The following BPIFB4 variants were observed in gnomAD, a reference collection of about 807,000 sequenced individuals.
The protein encoded by BPIFB4 is BPI fold containing family B member 4.
In BPIFB4, 62 loss-of-function variants were observed where a neutral mutation model predicts 69.2. That is an observed-to-expected ratio of 0.90 (90% CI 0.73 to 1.11). BPIFB4 has a LOEUF of 1.11. Among genes scored for constraint, BPIFB4 ranks in the 50% least tolerant of loss-of-function variants. BPIFB4 has a pLI of 0.00. For synonymous variants in BPIFB4, 330 were observed against 332.7 expected (o/e 0.99, Z 0.09); for missense variants, 789 against 792.0 (o/e 1.00, Z 0.04).
chr20:33,093,748 C>T (rs1008974302), intron 11 of BPIFB4, among the ~76,000 whole-genome samples: 1 of 152,036 alleles, frequency 6.6e-6, no homozygotes, highest in Non-Finnish European at 1.5e-5. Context: ...TCCACTAATC[C>T]ATCCACCTAT....
intron 13 of BPIFB4, among the ~76,000 whole-genome samples, chr20:33,100,037 G>A (rs938607109): frequency 1.3e-5 from 2 of 151,954 alleles, no homozygotes; most frequent in Non-Finnish European, 2.9e-5. Flanking sequence ...AGTTTCATAG[G>A]CTACGAGCCA....
At chr20:33,106,735 C>T (rs908121144) in intron 16 of BPIFB4, among the ~76,000 whole-genome samples, 2 of 152,088 alleles carry the variant, frequency 1.3e-5, no homozygotes, top group African/African-American at 4.8e-5. Flanking sequence ...TAGAGCAGTT[C>T]GGAGGTGGGA....
intron 11 of BPIFB4, among the ~76,000 whole-genome samples, chr20:33,093,956 C>A (rs552026029): frequency 6.6e-6 from 1 of 152,230 alleles, no homozygotes; most frequent in Admixed American, 6.5e-5. Context: ...CTGTCTGTCT[C>A]CCTGTCTGTC....
chr20:33,099,856 TA>T (rs1981858500), intron 13 of BPIFB4, among the ~76,000 whole-genome samples: 1 of 152,200 alleles, frequency 6.6e-6, no homozygotes, highest in African/African-American at 2.4e-5. Flanking sequence ...AGCCAACTTT[TA>T]AATTCAATTT....
At position 33,083,410 on chromosome 20, in the gene BPIFB4, C is replaced by A. The variant is rs145261889; in HGVS notation, c.213C>A (p.Pro71=). 15 of 1,613,388 alleles carry A rather than the reference C, an allele frequency of 9.3e-6. No homozygotes were observed. The African/African-American group carries it at 9.4e-5, about 10-fold the overall frequency. ...IPYNDFHVRG[P]PPVYTNGKKL... ...ACAATGACTTCCATGTCCGAGGACC[C>A]CCCCCAGTATATACCAACGGCAAAA... Residue 71 remains proline (P), a synonymous_variant, in exon 5 of 18, where the codon CCC becomes CCA. Coordinates refer to ENST00000375483, the MANE Select transcript of BPIFB4 (RefSeq NM_182519.3).
At chr20:33,110,736 G>C (rs7270697) in intron 17 of BPIFB4, among the ~76,000 whole-genome samples, 17 of 144,384 alleles carry the variant, frequency 1.2e-4, no homozygotes, top group African/African-American at 4.5e-4. Flanking sequence ...TATTTCTGTC[G>C]ATAGAGACTC....
Position 33,092,632 on chromosome 20 carries a change from C to G in BPIFB4, c.1318C>G (p.Leu440Val). 2 of 1,612,216 alleles carry G rather than the reference C, an allele frequency of 1.2e-6. No homozygotes were observed. Among genetic ancestry groups the G allele is most frequent in the African/African-American group, 2.7e-5 (2 of 75,074 alleles). Residue 440 changes from leucine to valine, a missense_variant, in exon 11 of 18, where the codon CTA (leucine) becomes GTA (valine). Coordinates refer to ENST00000375483, the MANE Select transcript of BPIFB4 (RefSeq NM_182519.3). ...VLTLLQKQHA[L>V]DLDITNGMFE... Reference sequence around the variant, plus strand: ...GACTCTACTGCAGAAGCAGCATGCTCTAGACCTGGATATCACCAATGGCAT... The same window carrying G: ...GACTCTACTGCAGAAGCAGCATGCTGTAGACCTGGATATCACCAATGGCAT...
At position 33,080,547 on chromosome 20, in the gene BPIFB4, T is replaced by A. The variant is rs564193573; in HGVS notation, c.-45T>A. 2 of 152,186 alleles carry A rather than the reference T, an allele frequency of 1.3e-5. No homozygotes were observed. The highest frequency in any genetic ancestry group is 2.9e-5 in the Non-Finnish European group (2 of 68,038). 9.4% of individuals were successfully genotyped at this position (152,186 alleles called of 1,614,324 possible). On this transcript the variant is annotated 5_prime_UTR_variant, in exon 2 of 18. Transcript: ENST00000375483. ...TCTACTATGTATGAGATACAACTTG[T>A]TTGTGATTTGGGAGCAGAAGTTCAA...
At position 33,092,627 on chromosome 20, in the gene BPIFB4, A is replaced by G. The variant is rs776035940; in HGVS notation, c.1313A>G (p.His438Arg). ...GTGCTGACTCTACTGCAGAAGCAGC[A>G]TGCTCTAGACCTGGATATCACCAAT... The part of the protein sequence containing the change: ...GSVLTLLQKQ[H>R]ALDLDITNGM... Residue 438 changes from histidine to arginine, a missense_variant, in exon 11 of 18, where the codon CAT (histidine) becomes CGT (arginine). This residue lies in a region of BPIFB4 where 611 missense variants were observed against 575.4 expected (regional missense o/e 1.06). Transcript: ENST00000375483. The G allele has an allele frequency of 1.9e-5, 31 of 1,612,534 alleles. 1 individual carries two copies. Among genetic ancestry groups the G allele is most frequent in the Middle Eastern group, 1.6e-4 (1 of 6,082 alleles).
chr20:33,097,558 C>T (rs934558481), intron 12 of BPIFB4, 59 bp from the exon 13 acceptor site: 1 of 1,534,528 alleles, frequency 6.5e-7, no homozygotes, highest in Non-Finnish European at 8.9e-7. Flanking sequence ...TGGCTGATAA[C>T]CCCCTGGGTA....
chr20:33,100,293 C>A, intron 13 of BPIFB4, 133 bp from the exon 14 acceptor site: 1 of 678,030 alleles, frequency 1.5e-6, no homozygotes, highest in Non-Finnish European at 2.5e-6. Context: ...CTGACCCAGG[C>A]CTCGGGGAAC....
rs1409074801 is a variant in BPIFB4 at position 33,110,813 on chromosome 20, GT to G, written c.1822-582del. Among the ~76,000 whole-genome samples, 533 of 114,224 alleles carry G rather than the reference GT, an allele frequency of 4.7e-3. 3 individuals are homozygous for G. Among genetic ancestry groups the G allele is most frequent in the African/African-American group, 0.014 (406 of 29,430 alleles). The allele number at this position is 114,224 out of a possible 152,430, so 74.9% of individuals were successfully genotyped here. A position where few individuals can be genotyped will look rare whatever the true frequency, so the allele number is the denominator to read the frequency against. On this transcript the variant is annotated intron_variant, in intron 17 of 17. Transcript: ENST00000375483. ...TACTTTTATTATTTATTTTGTTGAA[GT>G]TTTTTTTTTTTTTTTTTTGAGAGGG...
intron 10 of BPIFB4, among the ~76,000 whole-genome samples, chr20:33,091,267 A>T (rs1053328980): frequency 3.3e-5 from 5 of 152,210 alleles, no homozygotes; most frequent in African/African-American, 1.2e-4. Context: ...TCTCTCCATG[A>T]TTAAAAAAAA....
At position 33,100,469 on chromosome 20, in the gene BPIFB4, T is replaced by G. The variant is rs748035654; in HGVS notation, c.1613T>G (p.Leu538Arg). ...TCATTTTCCACAGAAGGAGATAAGC[T>G]CATGATTGATGCCAAGCTGGAGAAG... ...LASFSTEGDKLMIDAKLEKTS... is the reference protein window; with the variant it reads ...LASFSTEGDKRMIDAKLEKTS... The change falls in exon 14 of 18, where the codon CTC becomes CGC. Residue 538 changes from leucine (L) to arginine (R), a missense_variant. Leu to Arg is a moderately radical substitution (Grantham distance 102). Around this residue, in one of 3 missense-constraint regions of BPIFB4, gnomAD observed 170 missense variants for 193.6 expected, o/e 0.88. Coordinates refer to ENST00000375483, the MANE Select transcript of BPIFB4 (RefSeq NM_182519.3). 5.0e-6 allele frequency: 8 copies of G among 1,607,894 alleles called. No homozygotes were observed. The South Asian group carries it at 8.8e-5, about 18-fold the overall frequency.
intron 16 of BPIFB4, among the ~76,000 whole-genome samples, chr20:33,107,449 A>G (rs1982100170): frequency 6.6e-6 from 1 of 151,892 alleles, no homozygotes; most frequent in South Asian, 2.1e-4. Flanking sequence ...CAAAACAAAC[A>G]AACAAAAAAC....
At position 33,081,579 on chromosome 20, in the gene BPIFB4, C is replaced by T; in HGVS notation, c.53C>T (p.Thr18Ile). The change falls in exon 3 of 18, where the codon ACC becomes ATC. Residue 18 changes from threonine (T) to isoleucine (I), a missense_variant. Physicochemically the swap from Thr to Ile is moderately conservative, Grantham distance 89 (BLOSUM62 -1). Around this residue, in one of 3 missense-constraint regions of BPIFB4, gnomAD observed 611 missense variants for 575.4 expected, o/e 1.06. Transcript: ENST00000375483. ...CTGTCTGTGGTGGCTGTGTGTGGCA[C>T]CAGCCACGAGACAAACACGGTCCTC... ...AALSVVAVCG[T>I]SHETNTVLRV... is the part of the protein sequence containing the mutation. 1 of 1,551,726 alleles carries T rather than the reference C, an allele frequency of 6.4e-7. No individual in the cohort carries two copies. Among genetic ancestry groups the T allele is most frequent in the Non-Finnish European group, 8.7e-7 (1 of 1,147,010 alleles).
At chr20:33,087,371 C>T (rs1981460541) in intron 7 of BPIFB4, among the ~76,000 whole-genome samples, 1 of 152,172 alleles carries the variant, frequency 6.6e-6, no homozygotes, top group Non-Finnish European at 1.5e-5. Flanking sequence ...TTCCACCCTC[C>T]TTTTATGCAA....
chr20:33,100,522 G>T, intron 14 of BPIFB4, 29 bp downstream of exon 14: 1 of 1,588,910 alleles, frequency 6.3e-7, no homozygotes, highest in South Asian at 1.1e-5. Context: ...TTGGGGTCCT[G>T]ACGGTGCTGG....
intron 17 of BPIFB4, among the ~76,000 whole-genome samples, chr20:33,110,232 G>A (rs1982196293): frequency 6.6e-6 from 1 of 152,092 alleles, no homozygotes; most frequent in Non-Finnish European, 1.5e-5. Context: ...CCTTTTCCTT[G>A]TGTTTCATAA....
Sources: allele counts gnomAD v4.1 joint callset (sites outside exome capture counted in the v4.1 genomes callset), GRCh38; gene constraint gnomAD v4.1.1; regional missense constraint gnomAD v4.1.1; transcripts MANE v1.5; gene names NCBI Gene and HGNC (gene_info 2026-07-23, HGNC 2026-07-21).